Variants in DAAM1 observed in about 807,000 individuals in gnomAD.
DAAM1 encodes the protein dishevelled associated activator of morphogenesis 1.
A neutral mutation model predicts 130.0 loss-of-function variants in DAAM1; 52 were observed. The ratio of observed to expected loss-of-function variants is 0.40; its 90% CI spans 0.32 to 0.50. The LOEUF (loss-of-function observed/expected upper bound fraction) is 0.50, where lower values mean the gene tolerates loss of function less well. DAAM1 is among the 20% of genes least tolerant of loss of function. The probability of loss-of-function intolerance (pLI) is 0.61; values close to 1 mark genes in which losing one functional copy is unlikely to be tolerated. For missense variants in DAAM1, 1,134 were observed against 1,303.8 expected (o/e 0.87, Z 2.01); for synonymous variants, 452 against 444.5 (o/e 1.02, Z -0.21).
chr14:59,189,489 C>G (rs539613478), intron 1 of DAAM1, among the ~76,000 whole-genome samples: 1 of 152,284 alleles, frequency 6.6e-6, no homozygotes, highest in African/African-American at 2.4e-5. Context: ...TTTTGCCGCC[C>G]GTCCCTCTCG....
chr14:59,262,317 A>G (rs1316094832), intron 1 of DAAM1, among the ~76,000 whole-genome samples: 1 of 152,152 alleles, frequency 6.6e-6, no homozygotes, highest in East Asian at 1.9e-4. Flanking sequence ...TGCTATGCCT[A>G]TTGTTCTTCT....
chr14:59,321,726 A>G (rs2139616894), intron 5 of DAAM1, among the ~76,000 whole-genome samples: 1 of 152,342 alleles, frequency 6.6e-6, no homozygotes, highest in African/African-American at 2.4e-5. Flanking sequence ...ATTTGACTAT[A>G]AAATGCAAAC....
At chr14:59,311,546 T>A (rs1160264843) in intron 3 of DAAM1, among the ~76,000 whole-genome samples, 9 of 145,338 alleles carry the variant, frequency 6.2e-5, no homozygotes, top group African/African-American at 2.3e-4. Context: ...GGTATAGAAG[T>A]TTATAAGTTA....
intron 2 of DAAM1, among the ~76,000 whole-genome samples, chr14:59,269,928 C>T (rs1882636894): frequency 6.6e-6 from 1 of 152,024 alleles, no homozygotes; most frequent in African/African-American, 2.4e-5. Flanking sequence ...AGAGACGAGC[C>T]TGGGAAAGGT....
At chr14:59,211,975 C>T (rs2139412266) in intron 1 of DAAM1, among the ~76,000 whole-genome samples, 1 of 152,194 alleles carries the variant, frequency 6.6e-6, no homozygotes, top group South Asian at 2.1e-4. Context: ...CTTTTATTTT[C>T]TGATTTAGCC....
At position 59,193,177 on chromosome 14, in the gene DAAM1, A is replaced by G. The variant is rs76546098; in HGVS notation, c.-38+4409A>G. 1.2e-3 allele frequency among the ~76,000 whole-genome samples: 180 copies of G among 152,354 alleles called. 1 individual carries two copies. The East Asian group carries it at 0.024, about 21-fold the overall frequency. ...TATTTCTGTATGTGGCTTGGAGGTA[A>G]TGTCTGGTTGACAGATCAGGCTAGG... On this transcript the variant is annotated intron_variant, in intron 1 of 24. Transcript: ENST00000360909.
intron 3 of DAAM1, among the ~76,000 whole-genome samples, chr14:59,302,010 A>C (rs888607474): frequency 6.6e-6 from 1 of 152,238 alleles, no homozygotes; most frequent in Non-Finnish European, 1.5e-5. Flanking sequence ...TTTTAAAGAG[A>C]GTGCCAACAT....
intron 2 of DAAM1, among the ~76,000 whole-genome samples, chr14:59,271,965 AGAAG>A (rs1317463468): frequency 6.6e-6 from 1 of 152,206 alleles, no homozygotes; most frequent in Non-Finnish European, 1.5e-5. Context: ...TTAAACTGAT[AGAAG>A]GAAAAAAAAA....
In DAAM1 at chr14:59,322,872, T is replaced by C. The variant is rs1314704024; in HGVS notation, c.441-20T>C. The C allele has an allele frequency of 6.3e-7, 1 of 1,588,310 alleles. No individual in the cohort carries two copies. Among genetic ancestry groups the C allele is most frequent in the East Asian group, 2.2e-5 (1 of 44,480 alleles). On this transcript the variant is annotated intron_variant, in intron 5 of 24. Transcript: ENST00000360909. ...AAAACCCAAAGGCACTTAAGCATGG[T>C]GCATTTCTCTTCATGACAGGTTTGT... is the stretch of plus-strand genomic sequence containing the variant.
intron 1 of DAAM1, among the ~76,000 whole-genome samples, chr14:59,257,206 A>G (rs888115587): frequency 2.6e-5 from 4 of 152,170 alleles, no homozygotes; most frequent in African/African-American, 9.7e-5. Flanking sequence ...AACTATGGGA[A>G]GAACACCCAG....
intron 1 of DAAM1, among the ~76,000 whole-genome samples, chr14:59,255,687 T>C (rs1167490374): frequency 3.9e-5 from 6 of 152,178 alleles, no homozygotes; most frequent in African/African-American, 1.2e-4. Flanking sequence ...GATGCTCTTA[T>C]TGCATAACTC....
intron 2 of DAAM1, among the ~76,000 whole-genome samples, chr14:59,274,001 C>T (rs572215662): frequency 6.6e-6 from 1 of 152,300 alleles, no homozygotes; most frequent in South Asian, 2.1e-4. Flanking sequence ...CCCACTCCAA[C>T]CTTCAATTCC....
At position 59,311,541 on chromosome 14, in the gene DAAM1, A is replaced by G. The variant is rs570033408; in HGVS notation, c.274-3739A>G. On this transcript the variant is annotated intron_variant, in intron 3 of 24. Transcript: ENST00000360909. ...GGTAAAATAAAAATTTGCATGGTAT[A>G]GAAGTTTATAAGTTAAAAAAAAAAA... is the stretch of plus-strand genomic sequence containing the variant. 8.7e-5 allele frequency among the ~76,000 whole-genome samples: 13 copies of G among 148,642 alleles called. No homozygotes were observed. In the East Asian group the frequency reaches 1.9e-3, roughly 22 times the overall value.
At position 59,356,905 on chromosome 14, in the gene DAAM1, C is replaced by T. The variant is rs183353754; in HGVS notation, c.2525+1572C>T. 1.3e-4 allele frequency among the ~76,000 whole-genome samples: 20 copies of T among 152,344 alleles called. No homozygotes were observed. In the East Asian group the frequency reaches 2.3e-3, roughly 18 times the overall value. ...TTTAATATTTGGTCCCCAAATGCAG[C>T]GCCCACACCTTATACACCTGCATGC... On this transcript the variant is annotated intron_variant, in intron 20 of 24. Coordinates refer to ENST00000360909, the MANE Select transcript of DAAM1 (RefSeq NM_001270520.2).
At chr14:59,304,351 T>C (rs1884296815) in intron 3 of DAAM1, among the ~76,000 whole-genome samples, 1 of 152,212 alleles carries the variant, frequency 6.6e-6, no homozygotes, top group African/African-American at 2.4e-5. Flanking sequence ...TTTCTCCTCT[T>C]TGTAGAGTAG....
chr14:59,204,310 A>C (rs1197890490), intron 1 of DAAM1, among the ~76,000 whole-genome samples: 3 of 152,174 alleles, frequency 2.0e-5, no homozygotes, highest in Non-Finnish European at 4.4e-5. Context: ...TGACCATGGG[A>C]CTGAGGACCA....
chr14:59,233,072 T>C (rs1413036174), intron 1 of DAAM1, among the ~76,000 whole-genome samples: 43 of 152,206 alleles, frequency 2.8e-4, no homozygotes, highest in Admixed American at 2.8e-3. Context: ...ATGTCTTTGG[T>C]ATTGTAAATG....
chr14:59,268,211 TTTTTATCCATTCATCA>T (rs1289384931), intron 2 of DAAM1, among the ~76,000 whole-genome samples: 14 of 152,324 alleles, frequency 9.2e-5, no homozygotes, highest in African/African-American at 2.9e-4. Flanking sequence ...CCTGCCACAT[TTTTTATCCATTCATCA>T]TTTTATCCAT....
At position 59,353,318 on chromosome 14, in the gene DAAM1, AG is replaced by A. The variant is rs1320121510; in HGVS notation, c.2268-554del. ...ACCTCAGGGCACAGTTTTCTCCTTT[AG>A]GGGTGTAGAGAGGGTGCTCACTATG... On this transcript the variant is annotated intron_variant, in intron 18 of 24. Transcript: ENST00000360909. Among the ~76,000 whole-genome samples the A allele has an allele frequency of 2.6e-5, 4 of 152,148 alleles. 1 individual carries two copies. In the South Asian group the frequency reaches 6.2e-4, roughly 24 times the overall value.
Sources: gnomAD v4.1 joint callset for allele counts (sites outside exome capture counted in the v4.1 genomes callset) on GRCh38, gnomAD v4.1.1 for gene constraint, MANE v1.5 for transcripts, NCBI Gene and HGNC (gene_info 2026-07-23, HGNC 2026-07-21) for gene names.